Variants in RECQL4 observed in about 807,000 individuals in gnomAD.
RECQL4 encodes the protein RecQ like helicase 4.
RECQL4 carries 158 observed loss-of-function variants against 128.6 expected under a neutral mutation model. The ratio of observed to expected loss-of-function variants is 1.23; its 90% confidence interval spans 1.08 to 1.40. The LOEUF (loss-of-function observed/expected upper bound fraction) is 1.40. Ranked by LOEUF, RECQL4 falls within the 40% of genes most tolerant of loss-of-function variation. The pLI, the probability that RECQL4 is intolerant of heterozygous loss-of-function variation, is 0.00. For synonymous variants in RECQL4, 996 were observed against 678.9 expected, an observed-to-expected ratio of 1.47 and a Z score of -7.26; for missense variants, 2,293 against 1,649.8, an observed-to-expected ratio of 1.39 and a Z score of -6.75.
At chr8:144,516,862 G>C (rs888792599) in intron 4 of RECQL4, 98 bp from the exon 5 acceptor site, 3 of 1,390,978 alleles carry the variant, frequency 2.2e-6, no homozygotes, top group East Asian at 2.3e-5. Flanking sequence ...TTGTAGAGCA[G>C]GCTAATTAGC....
rs1208137808 is a variant in RECQL4 at position 144,512,649 on chromosome 8, CCAGGGCCTGGAGCTGGG to C, written c.2861_2877del (p.Ala954GlyfsTer17). ...TGGGCAGGGCGTGCTTACCTGTGGGCCAGGGCCTGGAGCTGGGCAGGGCCCCCAGGGCAGTTCAGACG... is the reference window on the plus strand; with the variant it reads ...TGGGCAGGGCGTGCTTACCTGTGGGCCAGGGCCCCCAGGGCAGTTCAGACG... On this transcript the variant is annotated frameshift_variant, in exon 16 of 21. Coordinates refer to ENST00000617875, the MANE Select transcript of RECQL4 (RefSeq NM_004260.4). LOFTEE classifies it high-confidence loss of function. The C allele has an allele frequency of 1.2e-6, 2 of 1,612,324 alleles. No homozygotes were observed. Among genetic ancestry groups the C allele is most frequent in the Non-Finnish European group, 1.7e-6 (2 of 1,179,698 alleles).
In RECQL4 at chr8:144,511,319, T is replaced by C; in HGVS notation, c.*112A>G. 1.3e-6 allele frequency: 2 copies of C among 1,557,316 alleles called. No homozygotes were observed. On this transcript the variant is annotated 3_prime_UTR_variant, in exon 21 of 21. Coordinates refer to ENST00000617875, the MANE Select transcript of RECQL4 (RefSeq NM_004260.4). ...CAAAGTGAGCATTTTTTATTCTGCA[T>C]TTTGGAGCCTCCTCGTTCCCACACC...
rs752301125 is a variant in RECQL4 at position 144,511,790 on chromosome 8, C to G, written c.3394-1G>C. On this transcript the variant is annotated splice_acceptor_variant, in intron 19 of 20. Coordinates refer to ENST00000617875, the MANE Select transcript of RECQL4 (RefSeq NM_004260.4). LOFTEE classifies it high-confidence loss of function. The stretch of plus-strand genomic sequence containing the variant: ...GGACCTGGTCCTCCCAATCCTGGAG[C>G]TGTGTGGACAGGCACATCAGGCTTC... The G allele has an allele frequency of 3.7e-6, 6 of 1,612,448 alleles. No homozygotes were observed. The highest frequency in any genetic ancestry group is 1.7e-5 in the Admixed American group (1 of 60,032).
In RECQL4 at chr8:144,515,363, C is replaced by T. The variant is rs1482137668; in HGVS notation, c.1353G>A (p.Leu451=). 1 of 1,612,668 alleles carries T rather than the reference C, an allele frequency of 6.2e-7. No individual in the cohort carries two copies. The highest frequency in any genetic ancestry group is 1.3e-5 in the African/African-American group (1 of 74,940). The change falls in exon 7 of 21, where the codon CTG becomes CTA. Residue 451 remains leucine (L), a synonymous_variant. Transcript: ENST00000617875. The part of the protein sequence containing the change: ...PEVPSLDPTV[L]PLYSLGPSGQ... ...CTGAGGGCCCCAGGGAGTAGAGTGGCAGCACGGTGGGGTCCAGGCTGGGCA... is the reference window on the plus strand; with the variant it reads ...CTGAGGGCCCCAGGGAGTAGAGTGGTAGCACGGTGGGGTCCAGGCTGGGCA...
chr8:144,517,265 C>T, intron 3 of RECQL4, 75 bp from the exon 4 acceptor site: 1 of 1,521,388 alleles, frequency 6.6e-7, no homozygotes, highest in Non-Finnish European at 8.8e-7. Flanking sequence ...ACCCCTCCCG[C>T]ACCTGGAGCG....
chr8:144,512,145 T>A lies in RECQL4; in HGVS notation c.3235A>T (p.Ser1079Cys). 1 of 1,606,270 alleles carries A rather than the reference T, an allele frequency of 6.2e-7. No homozygotes were observed. Residue 1079 changes from serine (S) to cysteine (C), a missense_variant and splice_region_variant, in exon 18 of 21, where the codon AGC (serine) becomes TGC (cysteine). Transcript: ENST00000617875. ...AGGCCCCGCCCGCCTCCTCCCAACC[T>A]GTGAAAGGCCTGGAAGGTTCTGCGC... is the stretch of plus-strand genomic sequence containing the variant. ...RLRRTFQAFH[S>C]VAFPSCGPCL... is the part of the protein sequence containing the mutation.
rs71320828 is a variant in RECQL4, at chr8:144,513,198, T to TGG, written c.2463+18_2463+19dup. ...ACTGGGGGCTCGAGCACTGGCAGTG[T>TGG]GGGGGGGGGGGGTGCCAACCTGGGG... On this transcript the variant is annotated intron_variant, in intron 14 of 20. Transcript: ENST00000617875. 222 of 1,401,248 alleles carry TGG rather than the reference T, an allele frequency of 1.6e-4. No individual in the cohort carries two copies. In the African/African-American group the frequency reaches 1.7e-3, roughly 11 times the overall value. The allele number at this position is 1,401,248 out of a possible 1,614,324, so 86.8% of individuals were successfully genotyped here.
At chr8:144,517,369 C>A in intron 3 of RECQL4, 45 bp downstream of exon 3, 1 of 1,520,858 alleles carries the variant, frequency 6.6e-7, no homozygotes. Context: ...GCCACTCCGC[C>A]AAACAGGGAA....
Position 144,514,537 on chromosome 8 carries a change from G to A in RECQL4, c.1621-12C>T, listed in dbSNP as rs376436364. 6 of 1,609,638 alleles carry A rather than the reference G, an allele frequency of 3.7e-6. No homozygotes were observed. The highest frequency in any genetic ancestry group is 2.2e-5 in the South Asian group (2 of 90,580). ...GGCAGGCCAGACACCTGCAAATGCA[G>A]GAGCGACAGCCGTCATACGCCAGCC... On this transcript the variant is annotated splice_polypyrimidine_tract_variant and intron_variant, in intron 9 of 20. Transcript: ENST00000617875.
chr8:144,513,209 G>C lies in RECQL4; in HGVS notation c.2463+9C>G, dbSNP rs756789862. The C allele has an allele frequency of 7.2e-6, 11 of 1,518,970 alleles. No individual in the cohort carries two copies. Among genetic ancestry groups the C allele is most frequent in the Non-Finnish European group, 9.8e-6 (11 of 1,125,798 alleles). 94.1% of individuals were successfully genotyped at this position (1,518,970 alleles called of 1,614,324 possible). On this transcript the variant is annotated intron_variant, in intron 14 of 20. Transcript: ENST00000617875. The stretch of plus-strand genomic sequence containing the variant: ...GAGCACTGGCAGTGTGGGGGGGGGG[G>C]GTGCCAACCTGGGGCTGCAGGAAGA...
At position 144,512,400 on chromosome 8, in the gene RECQL4, G is replaced by A; in HGVS notation, c.3047C>T (p.Pro1016Leu). 1 of 1,607,478 alleles carries A rather than the reference G, an allele frequency of 6.2e-7. No individual in the cohort carries two copies. The highest frequency in any genetic ancestry group is 1.7e-4 in the Middle Eastern group (1 of 6,042). Residue 1016 changes from proline (P) to leucine (L), a missense_variant, in exon 17 of 21, where the codon CCC (proline) becomes CTC (leucine). By Grantham distance (98) the Pro-to-Leu change is moderately conservative. Coordinates refer to ENST00000617875, the MANE Select transcript of RECQL4 (RefSeq NM_004260.4). ...GGTGGGGAGAGGCGCACCTGTCCTG[G>A]GCTCGTGGTCCCACTGCAGCTGGCA... Reference protein sequence around the residue: ...ALCQLQWDHEPRTGVRRGTGV... With the variant: ...ALCQLQWDHELRTGVRRGTGV...
At position 144,516,184 on chromosome 8, in the gene RECQL4, C is replaced by A. The variant is rs763717004; in HGVS notation, c.935G>T (p.Ser312Ile). ...PVQAQPPQPC[S>I]SPSNPRYHGL... ...GTGGTACCTGGGGTTCGATGGGCTG[C>A]TGCAGGGCTGAGGTGGCTGTGCCTG... Residue 312 changes from serine (S) to isoleucine (I), a missense_variant, in exon 5 of 21, where the codon AGC becomes ATC. Ser to Ile is a moderately radical substitution (Grantham distance 142). Transcript: ENST00000617875. 2 of 1,613,458 alleles carry A rather than the reference C, an allele frequency of 1.2e-6. No individual in the cohort carries two copies. Among genetic ancestry groups the A allele is most frequent in the Non-Finnish European group, 1.7e-6 (2 of 1,179,860 alleles).
intron 12 of RECQL4, 52 bp from the exon 13 acceptor site, chr8:144,513,764 G>C: frequency 6.7e-7 from 1 of 1,491,588 alleles, no homozygotes; most frequent in South Asian, 1.3e-5. Flanking sequence ...GGGTCGGCGT[G>C]TGCAGTGGGG....
In RECQL4 at chr8:144,511,455, T is replaced by C. The variant is rs1827173368; in HGVS notation, c.3603A>G (p.Glu1201=). ...SFHALVGLAT[E]ELLQVAR ...GTCAGCGGGCCACCTGCAGGAGCTC[T>C]TCCGTGGCCAGGCCCACCAGGGCAT... Residue 1201 remains glutamate (E), a synonymous_variant, in exon 21 of 21, where the codon GAA becomes GAG. Transcript: ENST00000617875. 1.2e-6 allele frequency: 2 copies of C among 1,612,348 alleles called. No homozygotes were observed. Among genetic ancestry groups the C allele is most frequent in the African/African-American group, 1.3e-5 (1 of 74,928 alleles).
Position 144,517,136 on chromosome 8 carries a change from G to C in RECQL4, c.268C>G (p.Pro90Ala), listed in dbSNP as rs1347611147. The change falls in exon 4 of 21, where the codon CCA (proline) becomes GCA (alanine). Residue 90 changes from proline (P) to alanine (A), a missense_variant. Physicochemically the swap from Pro to Ala is conservative, Grantham distance 27. Coordinates refer to ENST00000617875, the MANE Select transcript of RECQL4 (RefSeq NM_004260.4). ...PHLNRAATKSPQSTPGRSRQG... is the reference protein window; with the variant it reads ...PHLNRAATKSAQSTPGRSRQG... ...CGGCTCCGCCCTGGCGTAGACTGTG[G>C]ACTCTTGGTCGCAGCCCGATTCAGA... The C allele has an allele frequency of 1.2e-6, 2 of 1,611,830 alleles. No homozygotes were observed. The highest frequency in any genetic ancestry group is 1.1e-5 in the South Asian group (1 of 91,018).
In RECQL4 at chr8:144,514,972, C is replaced by T. The variant is rs1827937030; in HGVS notation, c.1584G>A (p.Leu528=). The change falls in exon 9 of 21, where the codon TTG becomes TTA. Residue 528 remains leucine (L), a synonymous_variant. Coordinates refer to ENST00000617875, the MANE Select transcript of RECQL4 (RefSeq NM_004260.4). ...LYSRRSPCLT[L]VVSPLLSLMD... is the part of the protein sequence containing the mutation. ...TGAGTGACAGCAGGGGAGAGACGAC[C>T]AACGTGAGGCAGGGGCTGCGCCGGC... is the stretch of plus-strand genomic sequence containing the variant. 1 of 1,611,908 alleles carries T rather than the reference C, an allele frequency of 6.2e-7. No homozygotes were observed.
chr8:144,514,607 C>T, intron 9 of RECQL4, 82 bp from the exon 10 acceptor site: 1 of 1,381,252 alleles, frequency 7.2e-7, no homozygotes, highest in Non-Finnish European at 9.9e-7. Flanking sequence ...GCTGCCATGT[C>T]CATCCTAGTC....
At chr8:144,514,843 G>C (rs1827917714) in intron 9 of RECQL4, 93 bp downstream of exon 9, 1 of 1,463,734 alleles carries the variant, frequency 6.8e-7, no homozygotes, top group African/African-American at 1.4e-5. Flanking sequence ...TCCCAGGGGA[G>C]GGGGTGGTTA....
At position 144,517,036 on chromosome 8, in the gene RECQL4, T is replaced by C. The variant is rs576678304; in HGVS notation, c.354+14A>G. On this transcript the variant is annotated intron_variant, in intron 4 of 20. Coordinates refer to ENST00000617875, the MANE Select transcript of RECQL4 (RefSeq NM_004260.4). The stretch of plus-strand genomic sequence containing the variant: ...GTGGACCTAGCGTGGACTCACTGCC[T>C]GCCCACTCCTCACCTGCAGGGTGCC... The C allele has an allele frequency of 1.1e-5, 18 of 1,604,268 alleles. No homozygotes were observed. The highest frequency in any genetic ancestry group is 2.2e-5 in the East Asian group (1 of 44,616).
Sources: gnomAD v4.1 joint callset for allele counts on GRCh38, gnomAD v4.1.1 for gene constraint, MANE v1.5 for transcripts, NCBI Gene and HGNC (gene_info 2026-07-23, HGNC 2026-07-21) for gene names.